PSD3: variants seen among roughly 807,000 people sequenced by gnomAD.
PSD3 encodes pleckstrin and Sec7 domain containing 3, also known as PH and SEC7 domain-containing protein 3.
A neutral mutation model predicts 105.5 loss-of-function variants in PSD3; 49 were observed. The observed-to-expected ratio is 0.46, with a 90% confidence interval of 0.37 to 0.59. PSD3 has a LOEUF of 0.59. Among genes scored for constraint, PSD3 ranks in the 20% least tolerant of loss-of-function variants. The probability of loss-of-function intolerance (pLI) is 0.00; values close to 1 mark genes in which losing one functional copy is unlikely to be tolerated. For synonymous variants in PSD3, 557 were observed against 457.8 expected, an observed-to-expected ratio of 1.22 and a Z score of -2.77; for missense variants, 1,561 against 1,263.8, an observed-to-expected ratio of 1.24 and a Z score of -3.57.
chr8:18,930,647 G>A (rs899363266), intron 2 of PSD3, among the ~76,000 whole-genome samples: 2 of 147,928 alleles, frequency 1.4e-5, no homozygotes, highest in African/African-American at 5.0e-5. Flanking sequence ...TCAGCTCACT[G>A]CAACCCCCAC....
chr8:18,992,949 T>C (rs954818041), intron 1 of PSD3, among the ~76,000 whole-genome samples: 1 of 152,190 alleles, frequency 6.6e-6, no homozygotes, highest in African/African-American at 2.4e-5. Flanking sequence ...ATCATAAAAA[T>C]AATCTGATTA....
chr8:18,752,586 T>TAATATATATAATTA lies in PSD3; in HGVS notation c.2172+12862_2172+12863insTAATTATATATATT, dbSNP rs1554489540. Among the ~76,000 whole-genome samples, 8 of 78,030 alleles carry TAATATATATAATTA rather than the reference T, an allele frequency of 1.0e-4. 1 individual carries two copies. Among genetic ancestry groups the TAATATATATAATTA allele is most frequent in the African/African-American group, 5.1e-4 (7 of 13,818 alleles). The allele number at this position is 78,030 out of a possible 152,430, so 51.2% of individuals were successfully genotyped here. A position where few individuals can be genotyped will look rare whatever the true frequency, so the allele number is the denominator to read the frequency against. On this transcript the variant is annotated intron_variant, in intron 9 of 15. Coordinates refer to ENST00000327040, the MANE Select transcript of PSD3 (RefSeq NM_015310.4). ...TATATTATATATATAATTATATATA[T>TAATATATATAATTA]TATATATTATATATTATATATAATA...
intron 9 of PSD3, among the ~76,000 whole-genome samples, chr8:18,692,646 T>G (rs1801033273): frequency 6.6e-6 from 1 of 152,168 alleles, no homozygotes; most frequent in Non-Finnish European, 1.5e-5. Flanking sequence ...CTTTAAAAAG[T>G]AGTAACAGAA....
intron 14 of PSD3, among the ~76,000 whole-genome samples, chr8:18,570,630 A>T (rs1293029261): frequency 6.8e-6 from 1 of 147,250 alleles, no homozygotes; most frequent in Admixed American, 6.8e-5. Context: ...TTACAAGAAA[A>T]AAACAAACAA....
At chr8:18,766,229 G>A (rs1294115452) in intron 8 of PSD3, among the ~76,000 whole-genome samples, 1 of 152,028 alleles carries the variant, frequency 6.6e-6, no homozygotes, top group Non-Finnish European at 1.5e-5. Flanking sequence ...AGCTACTCGG[G>A]AGGTTGAGGC....
At chr8:18,863,367 G>C (rs1215447518) in intron 4 of PSD3, among the ~76,000 whole-genome samples, 1 of 152,024 alleles carries the variant, frequency 6.6e-6, no homozygotes, top group Admixed American at 6.5e-5. Flanking sequence ...TCTAATTTTG[G>C]AGCCATGTGA....
chr8:18,888,269 A>C (rs779578276), intron 2 of PSD3, among the ~76,000 whole-genome samples: 1 of 152,320 alleles, frequency 6.6e-6, no homozygotes, highest in African/African-American at 2.4e-5. Flanking sequence ...CAGAAACAGA[A>C]GCTCAGTGCC....
intron 2 of PSD3, among the ~76,000 whole-genome samples, chr8:18,906,195 T>G (rs188034394): frequency 3.3e-5 from 5 of 152,286 alleles, no homozygotes; most frequent in African/African-American, 1.2e-4. Context: ...AAATATCAGA[T>G]AAACATTTAT....
rs375092128 is a variant in PSD3, at chr8:18,851,074, A to G, written c.1634+16600T>C. ...CTGCGAAGCATCAACAGTTCAGTCTATCTCAACAGGTAAGAGGAATAAGCC... is the reference window on the plus strand; with the variant it reads ...CTGCGAAGCATCAACAGTTCAGTCTGTCTCAACAGGTAAGAGGAATAAGCC... On this transcript the variant is annotated intron_variant, in intron 4 of 15. Transcript: ENST00000327040. 7.8e-4 allele frequency among the ~76,000 whole-genome samples: 119 copies of G among 152,344 alleles called. 2 individuals carry two copies. In the South Asian group the frequency reaches 0.024, roughly 31 times the overall value.
intron 10 of PSD3, among the ~76,000 whole-genome samples, chr8:18,654,411 T>C (rs1034264375): frequency 1.3e-5 from 2 of 152,142 alleles, no homozygotes; most frequent in Admixed American, 6.5e-5. Flanking sequence ...ACAATACTTA[T>C]GAATACTTAG....
intron 9 of PSD3, among the ~76,000 whole-genome samples, chr8:18,667,097 G>A (rs1426442320): frequency 6.6e-6 from 1 of 152,112 alleles, no homozygotes; most frequent in African/African-American, 2.4e-5. Flanking sequence ...GCTCATAAAG[G>A]CAGTGTGGAA....
Position 18,856,648 on chromosome 8 carries a change from T to C in PSD3, c.1634+11026A>G, listed in dbSNP as rs1490616623. On this transcript the variant is annotated intron_variant, in intron 4 of 15. Transcript: ENST00000327040. The stretch of plus-strand genomic sequence containing the variant: ...ACAAGAAAATGTCACCTTGTTTGCG[T>C]TGAGGTGGGGCTTCTAAATAGAGTA... Among the ~76,000 whole-genome samples, 5 of 152,202 alleles carry C rather than the reference T, an allele frequency of 3.3e-5. No homozygotes were observed. The South Asian group carries it at 6.2e-4, about 19-fold the overall frequency.
intron 1 of PSD3, among the ~76,000 whole-genome samples, chr8:18,963,328 C>T (rs1376422543): frequency 6.6e-6 from 1 of 152,178 alleles, no homozygotes; most frequent in African/African-American, 2.4e-5. Flanking sequence ...TTACTAAAAA[C>T]CACAGAATTT....
rs1478740576 is a variant in PSD3, at chr8:18,962,715, T to C, written c.22-26573A>G. Among the ~76,000 whole-genome samples, 8 of 152,208 alleles carry C rather than the reference T, an allele frequency of 5.3e-5. 1 individual carries two copies. Among genetic ancestry groups the C allele is most frequent in the Non-Finnish European group, 1.5e-5 (1 of 68,030 alleles). ...CCTAGAGAGCTTTTGTTGTTTTAAA[T>C]CTTTTTTCTTAAAAAAAGAAAGTCA... On this transcript the variant is annotated intron_variant, in intron 1 of 15. Transcript: ENST00000327040.
chr8:18,971,961 C>T (rs377648799), intron 1 of PSD3, among the ~76,000 whole-genome samples: 2 of 152,140 alleles, frequency 1.3e-5, no homozygotes, highest in African/African-American at 2.4e-5. Flanking sequence ...GCCGAGATCA[C>T]GCCACAGCAC....
At chr8:19,045,887 A>C (rs1161848957) in intron 1 of PSD3, among the ~76,000 whole-genome samples, 1 of 152,166 alleles carries the variant, frequency 6.6e-6, no homozygotes, top group African/African-American at 2.4e-5. Flanking sequence ...AGTTGAATTC[A>C]GGGCTTGCAT....
intron 8 of PSD3, among the ~76,000 whole-genome samples, chr8:18,775,397 C>A (rs1362250476): frequency 6.6e-6 from 1 of 152,252 alleles, no homozygotes; most frequent in African/African-American, 2.4e-5. Context: ...AATGGAGAGT[C>A]ATATGGTAGT....
At chr8:18,605,777 C>T (rs956622443) in intron 11 of PSD3, among the ~76,000 whole-genome samples, 6 of 152,118 alleles carry the variant, frequency 3.9e-5, no homozygotes, top group African/African-American at 1.4e-4. Context: ...GTGCTGTTCT[C>T]ATGATAGTGA....
intron 2 of PSD3, among the ~76,000 whole-genome samples, chr8:18,874,302 C>T (rs1252171661): frequency 6.6e-6 from 1 of 151,724 alleles, no homozygotes; most frequent in Non-Finnish European, 1.5e-5. Flanking sequence ...GCTGGGACTA[C>T]AGGTGCGTGC....
Sources: allele counts gnomAD v4.1 joint callset (sites outside exome capture counted in the v4.1 genomes callset), GRCh38; gene constraint gnomAD v4.1.1; transcripts MANE v1.5; gene names NCBI Gene and HGNC (gene_info 2026-07-23, HGNC 2026-07-21).